Variants in ASXL1 observed in about 807,000 individuals in gnomAD.
The protein encoded by ASXL1 is polycomb group protein ASXL1.
ASXL1 carries 65 observed loss-of-function variants against 89.1 expected under a neutral mutation model. That is an observed-to-expected ratio of 0.73 (90% CI 0.60 to 0.90). ASXL1 has a LOEUF of 0.90. Among genes scored for constraint, ASXL1 ranks in the 40% least tolerant of loss-of-function variants. The probability of loss-of-function intolerance (pLI) is 0.00; values close to 1 mark genes in which losing one functional copy is unlikely to be tolerated. For synonymous variants in ASXL1, 739 were observed against 746.9 expected, an observed-to-expected ratio of 0.99 and a Z score of 0.17; for missense variants, 1,786 against 1,942.9, an observed-to-expected ratio of 0.92 and a Z score of 1.52.
At chr20:32,426,667 C>T (rs1386086369) in intron 4 of ASXL1, among the ~76,000 whole-genome samples, 1 of 145,716 alleles carries the variant, frequency 6.9e-6, no homozygotes, top group Non-Finnish European at 1.5e-5. Context: ...TCAAGTGATT[C>T]CCCTGCCTTA....
chr20:32,387,218 A>C (rs1044077392), intron 4 of ASXL1, among the ~76,000 whole-genome samples: 3 of 152,156 alleles, frequency 2.0e-5, no homozygotes, highest in Middle Eastern at 3.2e-3. Flanking sequence ...AGGTACGAGA[A>C]TCACTGGAAC....
intron 4 of ASXL1, among the ~76,000 whole-genome samples, chr20:32,426,554 CTTTTTTTTTTTTT>C (rs1177815042): frequency 1.2e-5 from 1 of 83,948 alleles, no homozygotes; most frequent in East Asian, 9.5e-4. Flanking sequence ...TTTTTTCTTT[CTTTTTTTTTTTTT>C]TTTTTTTTTT....
At position 32,436,500 on chromosome 20, in the gene ASXL1, C is replaced by G; in HGVS notation, c.3788C>G (p.Pro1263Arg). 6.2e-7 allele frequency: 1 copy of G among 1,614,180 alleles called. No homozygotes were observed. The highest frequency in any genetic ancestry group is 8.5e-7 in the Non-Finnish European group (1 of 1,180,044). Reference sequence around the variant, plus strand: ...TCAAATGCTGCTCCAGGAAAGAGCCCAGGAGATCTTACTACCTCGAGAACA... The same window carrying G: ...TCAAATGCTGCTCCAGGAAAGAGCCGAGGAGATCTTACTACCTCGAGAACA... ...SNSNAAPGKS[P>R]GDLTTSRTPR... Residue 1263 changes from proline to arginine, a missense_variant, in exon 13 of 13, where the codon CCA becomes CGA. Transcript: ENST00000375687.
rs755895986 is a variant in ASXL1, at chr20:32,437,484, C to T, written c.*146C>T. On this transcript the variant is annotated 3_prime_UTR_variant, in exon 13 of 13. Transcript: ENST00000375687. ...TCCCCCAAAATTTACACTGCTAAAG[C>T]CCTCTGTCACTTGGCGACCCTTCTG... 127 of 1,284,020 alleles carry T rather than the reference C, an allele frequency of 9.9e-5. No individual in the cohort carries two copies. The highest frequency in any genetic ancestry group is 1.2e-4 in the Non-Finnish European group (111 of 913,492). The allele number at this position is 1,284,020 out of a possible 1,614,324, so 79.5% of individuals were successfully genotyped here.
rs2049207222 is a variant in ASXL1 at position 32,419,760 on chromosome 20, C to T, written c.253-8368C>T. Among the ~76,000 whole-genome samples the T allele has an allele frequency of 2.6e-5, 4 of 150,948 alleles. No individual in the cohort carries two copies. The South Asian group carries it at 8.3e-4, about 31-fold the overall frequency. On this transcript the variant is annotated intron_variant, in intron 4 of 12. Coordinates refer to ENST00000375687, the MANE Select transcript of ASXL1 (RefSeq NM_015338.6). ...GCAGTGGCACCATGTCAGCTCACTG[C>T]AACCTCCGTCTCCCATTCAGGCAAT...
At position 32,438,294 on chromosome 20, in the gene ASXL1, A is replaced by G. The variant is rs776494618; in HGVS notation, c.*956A>G. Reference sequence around the variant, plus strand: ...ACCTCTAATGTTTTATCATGTATTTATATGTTGTACACAGTACTGGCTGAT... The same window carrying G: ...ACCTCTAATGTTTTATCATGTATTTGTATGTTGTACACAGTACTGGCTGAT... On this transcript the variant is annotated 3_prime_UTR_variant, in exon 13 of 13. Transcript: ENST00000375687. 12 of 233,368 alleles carry G rather than the reference A, an allele frequency of 5.1e-5. No homozygotes were observed. The highest frequency in any genetic ancestry group is 1.0e-4 in the Non-Finnish European group (12 of 117,956). The allele number at this position is 233,368 out of a possible 1,614,324, so 14.5% of individuals were successfully genotyped here. A position where few individuals can be genotyped will look rare whatever the true frequency, so the allele number is the denominator to read the frequency against.
chr20:32,416,477 C>G (rs928220915), intron 4 of ASXL1, among the ~76,000 whole-genome samples: 1 of 152,156 alleles, frequency 6.6e-6, no homozygotes, highest in Non-Finnish European at 1.5e-5. Flanking sequence ...AACGTGCATC[C>G]TCCTATTCAT....
At chr20:32,382,135 A>C (rs1302890445) in intron 4 of ASXL1, among the ~76,000 whole-genome samples, 1 of 150,530 alleles carries the variant, frequency 6.6e-6, no homozygotes, top group Non-Finnish European at 1.5e-5. Flanking sequence ...TTTATTTTTT[A>C]TTTTTTATTT....
At chr20:32,366,289 C>T (rs550705375) in intron 1 of ASXL1, 95 bp from the exon 2 acceptor site, 81 of 1,073,748 alleles carry the variant, frequency 7.5e-5, no homozygotes, top group Non-Finnish European at 1.1e-4. Flanking sequence ...TTGTCACCAG[C>T]GGTACCTCAT....
At chr20:32,364,806 C>T (rs574739657) in intron 1 of ASXL1, among the ~76,000 whole-genome samples, 1 of 152,346 alleles carries the variant, frequency 6.6e-6, no homozygotes, top group African/African-American at 2.4e-5. Flanking sequence ...GTCTTGTTTA[C>T]TGTGAATCCC....
At chr20:32,414,698 G>A (rs2049107896) in intron 4 of ASXL1, among the ~76,000 whole-genome samples, 1 of 152,108 alleles carries the variant, frequency 6.6e-6, no homozygotes, top group South Asian at 2.1e-4. Flanking sequence ...GTTCTTGATA[G>A]GTCACTCAAC....
intron 4 of ASXL1, among the ~76,000 whole-genome samples, chr20:32,411,364 G>T (rs1054078374): frequency 6.7e-6 from 1 of 149,754 alleles, no homozygotes; most frequent in African/African-American, 2.5e-5. Flanking sequence ...AGTAGCTGGG[G>T]TTACAGGTGC....
Position 32,431,819 on chromosome 20 carries a change from TGTG to T in ASXL1, c.979+145_979+147del, listed in dbSNP as rs201982144. ...ACAGGCTTTCCTCATTACTAATAAA[TGTG>T]GTGGGTATTAATATGCCACACAGCT... On this transcript the variant is annotated intron_variant, in intron 10 of 12. Transcript: ENST00000375687. 8.4e-5 allele frequency: 75 copies of T among 890,906 alleles called. No individual in the cohort carries two copies. In the East Asian group the frequency reaches 1.6e-3, roughly 19 times the overall value. The allele number at this position is 890,906 out of a possible 1,614,324, so 55.2% of individuals were successfully genotyped here.
At chr20:32,419,138 C>A (rs2049194028) in intron 4 of ASXL1, among the ~76,000 whole-genome samples, 2 of 151,862 alleles carry the variant, frequency 1.3e-5, no homozygotes, top group Admixed American at 6.6e-5. Context: ...GCCAAATTGA[C>A]ATCTTTATGA....
intron 4 of ASXL1, among the ~76,000 whole-genome samples, chr20:32,396,558 T>G (rs2048765047): frequency 6.6e-6 from 1 of 152,228 alleles, no homozygotes; most frequent in African/African-American, 2.4e-5. Context: ...CATTCTTAGT[T>G]AGGGAGTAAT....
chr20:32,360,336 T>C (rs1483726582), intron 1 of ASXL1: 1 of 153,598 alleles, frequency 6.5e-6, no homozygotes, highest in Admixed American at 6.4e-5. Flanking sequence ...AAATATTTTT[T>C]TTCTGATTGA....
chr20:32,366,344 G>C (rs2122808709), intron 1 of ASXL1, 40 bp from the exon 2 acceptor site: 1 of 1,529,610 alleles, frequency 6.5e-7, no homozygotes, highest in East Asian at 2.3e-5. Context: ...GATATAAATG[G>C]AAATTGCACA....
At chr20:32,387,845 A>G (rs2048605551) in intron 4 of ASXL1, among the ~76,000 whole-genome samples, 1 of 152,218 alleles carries the variant, frequency 6.6e-6, no homozygotes, top group South Asian at 2.1e-4. Flanking sequence ...TCGGATATCT[A>G]ATGGCATCTC....
rs2048908101 is a variant in ASXL1, at chr20:32,403,449, G to A, written c.253-24679G>A. ...TTTATTTTCTTGAGACAGCCTCAGTGTTTTGCCCGGGCTGGGGTGTGGTGG... is the reference window on the plus strand; with the variant it reads ...TTTATTTTCTTGAGACAGCCTCAGTATTTTGCCCGGGCTGGGGTGTGGTGG... On this transcript the variant is annotated intron_variant, in intron 4 of 12. Transcript: ENST00000375687. Among the ~76,000 whole-genome samples, 5 of 152,230 alleles carry A rather than the reference G, an allele frequency of 3.3e-5. No individual in the cohort carries two copies. The South Asian group carries it at 1.0e-3, about 32-fold the overall frequency.
Sources: gnomAD v4.1 joint callset for allele counts (sites outside exome capture counted in the v4.1 genomes callset) on GRCh38, gnomAD v4.1.1 for gene constraint, MANE v1.5 for transcripts, NCBI Gene and HGNC (gene_info 2026-07-23, HGNC 2026-07-21) for gene names.